EMILIN1: variants seen among roughly 807,000 people sequenced by gnomAD.
The protein encoded by EMILIN1 is elastin microfibril interfacer 1.
EMILIN1 carries 49 observed loss-of-function variants against 82.4 expected under a neutral mutation model. That is an observed-to-expected ratio of 0.59 (90% confidence interval 0.47 to 0.75). The LOEUF (loss-of-function observed/expected upper bound fraction) is 0.75. Among genes scored for constraint, EMILIN1 ranks in the 30% least tolerant of loss-of-function variants. The pLI, the probability that EMILIN1 is intolerant of heterozygous loss-of-function variation, is 0.00. For missense variants in EMILIN1, 1,313 were observed against 1,366.4 expected (o/e 0.96, Z 0.62); for synonymous variants, 604 against 602.2 (o/e 1.00, Z -0.04).
chr2:27,083,062 C>T lies in EMILIN1; in HGVS notation c.1491C>T (p.Leu497=). 1 of 1,546,156 alleles carries T rather than the reference C, an allele frequency of 6.5e-7. No homozygotes were observed. Residue 497 remains leucine, a synonymous_variant, in exon 4 of 8, where the codon CTC becomes CTT. Transcript: ENST00000380320. The stretch of plus-strand genomic sequence containing the variant: ...AGGACTCTCAAGTCAGCGAGATCCT[C>T]AGTGCCTTGGAGCGCAGGGTGCTGG... ...GEQDSQVSEI[L]SALERRVLDS...
In EMILIN1 at chr2:27,084,435, C is replaced by T. The variant is rs747811458; in HGVS notation, c.2461C>T (p.Pro821Ser). Residue 821 changes from proline (P) to serine (S), a missense_variant, in exon 5 of 8, where the codon CCC (proline) becomes TCC (serine). Transcript: ENST00000380320. The stretch of plus-strand genomic sequence containing the variant: ...TGTAGGGCCTGCAGGAGAGGCTGGG[C>T]CCCCAGGGCCTCCTGGGCTGCAGGG... ...DLTGPAGEAG[P>S]PGPPGLQGPP... The T allele has an allele frequency of 1.2e-6, 2 of 1,608,560 alleles. No homozygotes were observed. The highest frequency in any genetic ancestry group is 1.7e-6 in the Non-Finnish European group (2 of 1,176,644).
Position 27,080,965 on chromosome 2 carries a change from G to A in EMILIN1, c.511+13G>A, listed in dbSNP as rs754957262. ...CTGGGGGGAGAAGGTGAGTGTGGGA[G>A]CTGCTGCGAGGGTGGCAAGTTCCAA... On this transcript the variant is annotated intron_variant, in intron 3 of 7. Coordinates refer to ENST00000380320, the MANE Select transcript of EMILIN1 (RefSeq NM_007046.4). The A allele has an allele frequency of 1.9e-6, 3 of 1,546,144 alleles. No homozygotes were observed. In the South Asian group the frequency reaches 3.5e-5, roughly 18 times the overall value.
intron 4 of EMILIN1, 77 bp downstream of exon 4, chr2:27,084,088 A>G: frequency 7.3e-7 from 1 of 1,370,078 alleles, no homozygotes; most frequent in Non-Finnish European, 9.6e-7. Context: ...CCAGCTTCCA[A>G]CTCATCTGCT....
intron 7 of EMILIN1, 121 bp from the exon 8 acceptor site, chr2:27,085,557 G>C: frequency 9.6e-7 from 1 of 1,046,908 alleles, no homozygotes; most frequent in Non-Finnish European, 1.4e-6. Flanking sequence ...AAAGCCCCCA[G>C]TTCCCTGCCG....
Position 27,083,127 on chromosome 2 carries a change from A to G in EMILIN1, c.1556A>G (p.His519Arg), listed in dbSNP as rs146042569. Residue 519 changes from histidine (H) to arginine (R), a missense_variant, in exon 4 of 8, where the codon CAC becomes CGC. By Grantham distance (29) the His-to-Arg change is conservative. Transcript: ENST00000380320. ...CTGCGGCTGGTGGGCTCCGGCCTGC[A>G]CACGGTGGAAGCAGCGGGGGAGGCC... is the stretch of plus-strand genomic sequence containing the variant. ...GQLRLVGSGL[H>R]TVEAAGEARQ... 2 of 1,583,518 alleles carry G rather than the reference A, an allele frequency of 1.3e-6. No homozygotes were observed. Among genetic ancestry groups the G allele is most frequent in the Non-Finnish European group, 1.7e-6 (2 of 1,163,640 alleles).
In EMILIN1 at chr2:27,082,192, A is replaced by G; in HGVS notation, c.621A>G (p.Ala207=). ...TGCAAGGACTGAGCGGGCGCCTGGC[A>G]GAGGATGTGCAGAGGGCTGTGGAGA... is the stretch of plus-strand genomic sequence containing the variant. The part of the protein sequence containing the change: ...GVLQGLSGRL[A]EDVQRAVETA... The change falls in exon 4 of 8, where the codon GCA becomes GCG. Residue 207 remains alanine (A), a synonymous_variant. Coordinates refer to ENST00000380320, the MANE Select transcript of EMILIN1 (RefSeq NM_007046.4). The G allele has an allele frequency of 1.2e-6, 2 of 1,613,680 alleles. No homozygotes were observed. The highest frequency in any genetic ancestry group is 1.7e-6 in the Non-Finnish European group (2 of 1,180,012).
chr2:27,084,139 G>C, intron 4 of EMILIN1, 128 bp downstream of exon 4: 1 of 1,093,806 alleles, frequency 9.1e-7, no homozygotes, highest in Non-Finnish European at 1.3e-6. Flanking sequence ...GCCCCAGCCA[G>C]TATTCCAGGT....
Position 27,085,276 on chromosome 2 carries a change from G to C in EMILIN1, c.2692G>C (p.Gly898Arg). ...CGACAGAGTCCTGCTCAATGATGGA[G>C]GCTATTATGATCCAGAGACAGGTAG... ...PFDRVLLNDGGYYDPETGVFT... is the reference protein window; with the variant it reads ...PFDRVLLNDGRYYDPETGVFT... Residue 898 changes from glycine (G) to arginine (R), a missense_variant, in exon 7 of 8, where the codon GGC becomes CGC. Physicochemically the swap from Gly to Arg is moderately radical, Grantham distance 125. Coordinates refer to ENST00000380320, the MANE Select transcript of EMILIN1 (RefSeq NM_007046.4). The C allele has an allele frequency of 6.2e-7, 1 of 1,614,080 alleles. No individual in the cohort carries two copies. The highest frequency in any genetic ancestry group is 8.5e-7 in the Non-Finnish European group (1 of 1,180,044).
chr2:27,082,261 C>T lies in EMILIN1; in HGVS notation c.690C>T (p.Arg230=). ...AGCAGCCAGCTGACGCGGCTGCCCGCCCTGGGGTGCATGAAACCCTCAATG... is the reference window on the plus strand; with the variant it reads ...AGCAGCCAGCTGACGCGGCTGCCCGTCCTGGGGTGCATGAAACCCTCAATG... ...GRQQPADAAA[R]PGVHETLNEI... Residue 230 remains arginine, a synonymous_variant, in exon 4 of 8, where the codon CGC becomes CGT. Transcript: ENST00000380320. The T allele has an allele frequency of 6.2e-7, 1 of 1,613,242 alleles. No homozygotes were observed. The highest frequency in any genetic ancestry group is 1.1e-5 in the South Asian group (1 of 91,090).
intron 1 of EMILIN1, among the ~76,000 whole-genome samples, chr2:27,079,438 G>A (rs1468493408): frequency 3.3e-5 from 5 of 152,120 alleles, no homozygotes; most frequent in Admixed American, 3.3e-4. Context: ...GGGTCACCTA[G>A]GGGGTCCGCT....
intron 2 of EMILIN1, 23 bp downstream of exon 2, chr2:27,080,293 G>A (rs757470771): frequency 8.1e-6 from 13 of 1,612,344 alleles, no homozygotes; most frequent in East Asian, 2.2e-5. Flanking sequence ...GCCGGGCAAC[G>A]GGCCCTTGGT....
rs369574383 is a variant in EMILIN1, at chr2:27,084,552, G to C, written c.2557+21G>C. ...ACCAGGTATGTGCACTGAGACCCTT[G>C]CTGCAGTCAGGGTTGCCACTGCCCC... On this transcript the variant is annotated intron_variant, in intron 5 of 7. Coordinates refer to ENST00000380320, the MANE Select transcript of EMILIN1 (RefSeq NM_007046.4). The C allele has an allele frequency of 6.7e-6, 10 of 1,500,750 alleles. No homozygotes were observed. The African/African-American group carries it at 9.6e-5, about 14-fold the overall frequency. The allele number at this position is 1,500,750 out of a possible 1,614,324, so 93.0% of individuals were successfully genotyped here. A position where few individuals can be genotyped will look rare whatever the true frequency, so the allele number is the denominator to read the frequency against.
Position 27,085,727 on chromosome 2 carries a change from G to A in EMILIN1, c.2763G>A (p.Leu921=). Residue 921 remains leucine, a synonymous_variant, in exon 8 of 8, where the codon CTG becomes CTA. Transcript: ENST00000380320. The part of the protein sequence containing the change: ...LAGRYLLSAV[L]TGHRHEKVEA... Reference sequence around the variant, plus strand: ...GACGCTACTTGCTGAGCGCGGTGCTGACTGGGCACCGGCACGAGAAAGTGG... The same window carrying A: ...GACGCTACTTGCTGAGCGCGGTGCTAACTGGGCACCGGCACGAGAAAGTGG... The A allele has an allele frequency of 6.2e-7, 1 of 1,609,654 alleles. No individual in the cohort carries two copies. Among genetic ancestry groups the A allele is most frequent in the Non-Finnish European group, 8.5e-7 (1 of 1,177,254 alleles).
chr2:27,086,012 G>A lies in EMILIN1; in HGVS notation c.3048G>A (p.Ala1016=), dbSNP rs1669623541. 4 of 1,442,404 alleles carry A rather than the reference G, an allele frequency of 2.8e-6. No homozygotes were observed. The highest frequency in any genetic ancestry group is 2.7e-5 in the Admixed American group (1 of 37,312). 89.4% of individuals were successfully genotyped at this position (1,442,404 alleles called of 1,614,324 possible). A position where few individuals can be genotyped will look rare whatever the true frequency, so the allele number is the denominator to read the frequency against. The change falls in exon 8 of 8, where the codon GCG becomes GCA. Residue 1016 remains alanine, a synonymous_variant. Transcript: ENST00000380320. ...ATGGGGACCCAGAGCTTGAACACGCGTAGACTGGGGTCCCGCCCGACGTGT... is the reference window on the plus strand; with the variant it reads ...ATGGGGACCCAGAGCTTGAACACGCATAGACTGGGGTCCCGCCCGACGTGT... ...LLYGDPELEH[A]
At chr2:27,081,484 C>T (rs1301375232) in intron 3 of EMILIN1, among the ~76,000 whole-genome samples, 1 of 152,108 alleles carries the variant, frequency 6.6e-6, no homozygotes, top group East Asian at 1.9e-4. Context: ...CCCGAGATAG[C>T]CTTACTATAA....
chr2:27,085,892 G>A lies in EMILIN1; in HGVS notation c.2928G>A (p.Pro976=). ...TGGGCGTCTTCAGCCTCATCCTGCC[G>A]CTGCAGGCCGGGGACACGGTCTGCG... ...GTLGVFSLIL[P]LQAGDTVCVD... Residue 976 remains proline (P), a synonymous_variant, in exon 8 of 8, where the codon CCG becomes CCA. Coordinates refer to ENST00000380320, the MANE Select transcript of EMILIN1 (RefSeq NM_007046.4). The A allele has an allele frequency of 1.9e-6, 3 of 1,573,752 alleles. No homozygotes were observed. The highest frequency in any genetic ancestry group is 1.3e-5 in the African/African-American group (1 of 74,094).
Position 27,082,647 on chromosome 2 carries a change from G to A in EMILIN1, c.1076G>A (p.Gly359Asp), listed in dbSNP as rs780578023. Reference sequence around the variant, plus strand: ...CAGGAATGCTGCTCTCCAGAGCTGGGCCGGCGACTGGCAGAGCTGGAGCGC... The same window carrying A: ...CAGGAATGCTGCTCTCCAGAGCTGGACCGGCGACTGGCAGAGCTGGAGCGC... ...PPQECCSPEL[G>D]RRLAELERRL... The change falls in exon 4 of 8, where the codon GGC (glycine) becomes GAC (aspartate). Residue 359 changes from glycine (G) to aspartate (D), a missense_variant. Gly to Asp is a moderately conservative substitution (Grantham distance 94). Transcript: ENST00000380320. 2 of 1,547,964 alleles carry A rather than the reference G, an allele frequency of 1.3e-6. No individual in the cohort carries two copies. The highest frequency in any genetic ancestry group is 3.8e-5 in the Admixed American group (2 of 52,146).
intron 7 of EMILIN1, 113 bp downstream of exon 7, chr2:27,085,410 G>A (rs545157217): frequency 1.7e-5 from 23 of 1,341,822 alleles, no homozygotes; most frequent in Middle Eastern, 1.9e-4. Context: ...CTGATTTGGG[G>A]AGACCCCGGC....
At position 27,083,566 on chromosome 2, in the gene EMILIN1, G is replaced by C; in HGVS notation, c.1995G>C (p.Gln665His). 3 of 1,614,092 alleles carry C rather than the reference G, an allele frequency of 1.9e-6. No individual in the cohort carries two copies. The South Asian group carries it at 3.3e-5, about 18-fold the overall frequency. ...TCAATGACTCACTGAATGAGCTCCA[G>C]ACCACTGTGGAGGGCCAGGGCGCTG... Reference protein sequence around the residue: ...SSLNDSLNELQTTVEGQGADL... With the variant: ...SSLNDSLNELHTTVEGQGADL... Residue 665 changes from glutamine (Q) to histidine (H), a missense_variant, in exon 4 of 8, where the codon CAG (glutamine) becomes CAC (histidine). Physicochemically the swap from Gln to His is conservative, Grantham distance 24. Coordinates refer to ENST00000380320, the MANE Select transcript of EMILIN1 (RefSeq NM_007046.4).
Sources: gnomAD v4.1 joint callset for allele counts (sites outside exome capture counted in the v4.1 genomes callset) on GRCh38, gnomAD v4.1.1 for gene constraint, MANE v1.5 for transcripts, NCBI Gene and HGNC (gene_info 2026-07-23, HGNC 2026-07-21) for gene names.